IFNG: variants seen among roughly 807,000 people sequenced by gnomAD.
IFNG encodes IFN-gamma.
Under a neutral mutation model 14.4 loss-of-function variants are expected in IFNG, and 8 were observed. That is an observed-to-expected ratio of 0.56 (90% CI 0.33 to 1.00). The LOEUF (loss-of-function observed/expected upper bound fraction) is 1.00, where lower values mean the gene tolerates loss of function less well. IFNG is among the 50% of genes least tolerant of loss of function. The pLI, the probability that IFNG is intolerant of heterozygous loss-of-function variation, is 0.03. For synonymous variants in IFNG, 73 were observed against 65.4 expected (o/e 1.12, Z -0.56); for missense variants, 132 against 194.9 (o/e 0.68, Z 1.92).
chr12:68,156,048 G>A (rs1029898688), intron 3 of IFNG, among the ~76,000 whole-genome samples: 1 of 152,164 alleles, frequency 6.6e-6, no homozygotes, highest in Non-Finnish European at 1.5e-5. Context: ...GAAGGACTGT[G>A]CCCTGTGCAT....
Position 68,159,604 on chromosome 12 carries a change from T to G in IFNG, c.12A>C (p.Thr4=). Residue 4 remains threonine, a synonymous_variant, in exon 1 of 4, where the codon ACA becomes ACC. Transcript: ENST00000229135. ...AGAGCTGAAAAGCCAAGATATAACT[T>G]GTATATTTCATCGTTTCCGAGAGAA... MKY[T]SYILAFQLCI... is the part of the protein sequence containing the mutation. 6.3e-7 allele frequency: 1 copy of G among 1,584,030 alleles called. No individual in the cohort carries two copies. The highest frequency in any genetic ancestry group is 8.7e-7 in the Non-Finnish European group (1 of 1,155,758).
In IFNG at chr12:68,156,513, A is replaced by T. The variant is rs376158632; in HGVS notation, c.367-1026T>A. On this transcript the variant is annotated intron_variant, in intron 3 of 3. Coordinates refer to ENST00000229135, the MANE Select transcript of IFNG (RefSeq NM_000619.3). ...CTAAAGACTAATTGTCAAAGGGCAT[A>T]ACATGCATAAAATAGCTTAGCAACT... 2.9e-4 allele frequency among the ~76,000 whole-genome samples: 44 copies of T among 152,340 alleles called. No homozygotes were observed. The South Asian group carries it at 9.1e-3, about 32-fold the overall frequency.
At chr12:68,159,474 A>G (rs547754213) in intron 1 of IFNG, 28 bp downstream of exon 1, 9 of 1,087,696 alleles carry the variant, frequency 8.3e-6, no homozygotes, top group South Asian at 8.0e-5. Context: ...TCAACCACAA[A>G]CAAGTACTAT....
chr12:68,157,937 G>A lies in IFNG; in HGVS notation c.342C>T (p.Asp114=), dbSNP rs1882625719. ...CCGAATAATTAGTCAGCTTTTCGAA[G>A]TCATCTCGTTTCTTTTTGTTGCTAT... ...FFNSNKKKRD[D]FEKLTNYSVT... is the part of the protein sequence containing the mutation. Residue 114 remains aspartate (D), a synonymous_variant, in exon 3 of 4, where the codon GAC becomes GAT. Coordinates refer to ENST00000229135, the MANE Select transcript of IFNG (RefSeq NM_000619.3). 6.2e-7 allele frequency: 1 copy of A among 1,600,506 alleles called. No homozygotes were observed. Among genetic ancestry groups the A allele is most frequent in the Non-Finnish European group, 8.5e-7 (1 of 1,173,332 alleles).
intron 3 of IFNG, among the ~76,000 whole-genome samples, chr12:68,157,591 AG>A (rs1466085746): frequency 1.3e-5 from 2 of 152,196 alleles, no homozygotes; most frequent in African/African-American, 4.8e-5. Context: ...CCATCATATG[AG>A]CAAGGGACAA....
At chr12:68,156,800 C>T (rs996295322) in intron 3 of IFNG, among the ~76,000 whole-genome samples, 8 of 152,082 alleles carry the variant, frequency 5.3e-5, no homozygotes, top group Non-Finnish European at 1.2e-4. Flanking sequence ...GGATTAGAAA[C>T]AAGTGCTGAG....
chr12:68,157,605 A>T (rs2120744413), intron 3 of IFNG, among the ~76,000 whole-genome samples: 1 of 152,334 alleles, frequency 6.6e-6, no homozygotes, highest in Middle Eastern at 3.4e-3. Context: ...AGGGACAATG[A>T]GAGAACTGCT....
rs373752868 is a variant in IFNG, at chr12:68,155,505, A to G, written c.367-18T>C. 1.1e-5 allele frequency: 17 copies of G among 1,582,404 alleles called. No homozygotes were observed. The highest frequency in any genetic ancestry group is 1.7e-4 in the Middle Eastern group (1 of 5,980). The stretch of plus-strand genomic sequence containing the variant: ...TCAGTTACCTATCGGGAAAGAAAAG[A>G]GCAAAATTAATTTCAGGCATATAAG... On this transcript the variant is annotated intron_variant, in intron 3 of 3. Coordinates refer to ENST00000229135, the MANE Select transcript of IFNG (RefSeq NM_000619.3).
chr12:68,156,051 C>T (rs903711103), intron 3 of IFNG, among the ~76,000 whole-genome samples: 1 of 152,154 alleles, frequency 6.6e-6, no homozygotes, highest in Non-Finnish European at 1.5e-5. Context: ...GGACTGTGCC[C>T]TGTGCATTCA....
chr12:68,156,260 T>C (rs891985142), intron 3 of IFNG, among the ~76,000 whole-genome samples: 2 of 152,248 alleles, frequency 1.3e-5, no homozygotes, highest in African/African-American at 2.4e-5. Flanking sequence ...CTTACTGATA[T>C]ATAAAGTTTA....
rs753611452 is a variant in IFNG at position 68,155,423 on chromosome 12, G to T, written c.431C>A (p.Ser144Ter). Residue 144 changes from serine to a stop codon, truncating the protein, a stop_gained, in exon 4 of 4, where the codon TCG (serine) becomes TAG (stop). Transcript: ENST00000229135. LOFTEE classifies it low-confidence loss of function (END_TRUNC). ...TCGCTTCCCTGTTTTAGCTGCTGGC[G>T]ACAGTTCAGCCATCACTTGGATGAG... ...HELIQVMAEL[S>*]PAAKTGKRKR... is the part of the protein sequence containing the mutation. The T allele has an allele frequency of 6.2e-7, 1 of 1,612,238 alleles. No homozygotes were observed. Among genetic ancestry groups the T allele is most frequent in the Non-Finnish European group, 8.5e-7 (1 of 1,178,938 alleles).
chr12:68,158,245 T>C lies in IFNG; in HGVS notation c.129A>G (p.Ser43=), dbSNP rs2120746835. 1 of 1,593,280 alleles carries C rather than the reference T, an allele frequency of 6.3e-7. No individual in the cohort carries two copies. Among genetic ancestry groups the C allele is most frequent in the South Asian group, 1.1e-5 (1 of 87,320 alleles). ...AAAGAGTTCCATTATCCGCTACATCTGAATGACCTGCATTCTAAAAAAAAA... is the reference window on the plus strand; with the variant it reads ...AAAGAGTTCCATTATCCGCTACATCCGAATGACCTGCATTCTAAAAAAAAA... The part of the protein sequence containing the change: ...NLKKYFNAGH[S]DVADNGTLFL... Residue 43 remains serine (S), a synonymous_variant, in exon 2 of 4, where the codon TCA becomes TCG. Transcript: ENST00000229135.
intron 1 of IFNG, 88 bp from the exon 2 acceptor site, chr12:68,158,347 G>T: frequency 1.2e-6 from 1 of 852,226 alleles, no homozygotes; most frequent in Non-Finnish European, 1.8e-6. Flanking sequence ...ACTCAGATGT[G>T]ACAATATTCA....
chr12:68,157,245 C>T (rs757510606), intron 3 of IFNG, among the ~76,000 whole-genome samples: 1 of 152,110 alleles, frequency 6.6e-6, no homozygotes, highest in Non-Finnish European at 1.5e-5. Context: ...AAACAGCAAC[C>T]ATTCTTGCTT....
intron 3 of IFNG, among the ~76,000 whole-genome samples, chr12:68,156,098 T>C (rs1299417394): frequency 1.3e-5 from 2 of 152,162 alleles, no homozygotes; most frequent in Admixed American, 6.6e-5. Flanking sequence ...CCACCTAAGT[T>C]TGAGAACCAC....
chr12:68,156,355 T>C (rs949353551), intron 3 of IFNG, among the ~76,000 whole-genome samples: 2 of 152,170 alleles, frequency 1.3e-5, no homozygotes, highest in Non-Finnish European at 2.9e-5. Flanking sequence ...CTCTAACCAA[T>C]AGGGCCATTT....
rs1194699503 is a variant in IFNG, at chr12:68,159,493, C to T, written c.114+9G>A. ...CCACAAACAAGTACTATTAAAAAGT[C>T]ATACTTACAAAATATTTCTTAAGGT... On this transcript the variant is annotated intron_variant, in intron 1 of 3. Transcript: ENST00000229135. The T allele has an allele frequency of 2.2e-6, 3 of 1,391,182 alleles. No homozygotes were observed. Among genetic ancestry groups the T allele is most frequent in the Non-Finnish European group, 1.0e-6 (1 of 988,398 alleles). 86.2% of individuals were successfully genotyped at this position (1,391,182 alleles called of 1,614,324 possible).
chr12:68,156,933 C>A (rs1882610617), intron 3 of IFNG, among the ~76,000 whole-genome samples: 1 of 152,130 alleles, frequency 6.6e-6, no homozygotes, highest in South Asian at 2.1e-4. Context: ...ATCCTAAGAA[C>A]ACAAATGCTA....
At chr12:68,157,524 C>G (rs565858999) in intron 3 of IFNG, among the ~76,000 whole-genome samples, 1 of 152,290 alleles carries the variant, frequency 6.6e-6, no homozygotes, top group African/African-American at 2.4e-5. Flanking sequence ...CTTCTCAGCT[C>G]CTCCCACTGC....
Sources: gnomAD v4.1 joint callset for allele counts (sites outside exome capture counted in the v4.1 genomes callset) on GRCh38, gnomAD v4.1.1 for gene constraint, MANE v1.5 for transcripts, NCBI Gene and HGNC (gene_info 2026-07-23, HGNC 2026-07-21) for gene names.